The following ARID1B variants were observed in gnomAD, a reference collection of about 807,000 sequenced individuals.
ARID1B encodes the protein AT-rich interactive domain-containing protein 1B.
A neutral mutation model predicts 212.3 loss-of-function variants in ARID1B; 30 were observed. The ratio of observed to expected loss-of-function variants is 0.14; its 90% CI spans 0.11 to 0.19. The LOEUF (loss-of-function observed/expected upper bound fraction) is 0.19, where lower values mean the gene tolerates loss of function less well. Ranked by LOEUF, ARID1B falls within the 10% of genes least tolerant of loss-of-function variation. ARID1B has a pLI of 1.00. For synonymous variants in ARID1B, 1,402 were observed against 1,301.7 expected (o/e 1.08, Z -1.66); for missense variants, 2,891 against 3,204.0 (o/e 0.90, Z 2.36).
intron 2 of ARID1B, among the ~76,000 whole-genome samples, chr6:156,882,058 T>C (rs367787338): frequency 4.6e-5 from 7 of 152,358 alleles, no homozygotes; most frequent in African/African-American, 1.4e-4. Flanking sequence ...TGGGAATTAA[T>C]AAAATTCTGC....
chr6:157,134,759 A>AGT (rs1367260356), intron 7 of ARID1B, among the ~76,000 whole-genome samples: 1 of 152,236 alleles, frequency 6.6e-6, no homozygotes. Context: ...AAGAGAGCTT[A>AGT]GTGGCAGTTG....
chr6:157,082,403 T>G (rs1040424302), intron 4 of ARID1B, among the ~76,000 whole-genome samples: 1 of 152,214 alleles, frequency 6.6e-6, no homozygotes, highest in Non-Finnish European at 1.5e-5. Flanking sequence ...GTAATCAAGT[T>G]AAATATAAAG....
intron 8 of ARID1B, among the ~76,000 whole-genome samples, chr6:157,159,106 C>T (rs1348952167): frequency 6.6e-6 from 1 of 152,246 alleles, no homozygotes; most frequent in East Asian, 1.9e-4. Flanking sequence ...CTAATCCACA[C>T]TGTGCGCTTG....
chr6:157,171,247 G>A (rs1458948706), intron 9 of ARID1B, among the ~76,000 whole-genome samples: 3 of 152,252 alleles, frequency 2.0e-5, no homozygotes, highest in Non-Finnish European at 4.4e-5. Context: ...CCAGAGGCTG[G>A]TGCTTGAAAA....
chr6:156,927,666 T>C (rs1328081045), intron 3 of ARID1B, among the ~76,000 whole-genome samples: 1 of 152,190 alleles, frequency 6.6e-6, no homozygotes, highest in East Asian at 1.9e-4. Context: ...CCAGGCAGAG[T>C]AGCTGCTAAC....
intron 4 of ARID1B, among the ~76,000 whole-genome samples, chr6:156,962,642 C>T (rs533172557): frequency 4.6e-5 from 7 of 152,214 alleles, no homozygotes; most frequent in South Asian, 4.2e-4. Context: ...ACCACCACCC[C>T]CGGCTAATTT....
At chr6:157,065,030 C>G (rs1022707216) in intron 4 of ARID1B, among the ~76,000 whole-genome samples, 4 of 152,122 alleles carry the variant, frequency 2.6e-5, no homozygotes, top group Non-Finnish European at 5.9e-5. Context: ...TTATTATTTG[C>G]AAATAGTTAT....
At chr6:156,907,924 A>AG (rs1789542727) in intron 3 of ARID1B, among the ~76,000 whole-genome samples, 1 of 151,032 alleles carries the variant, frequency 6.6e-6, no homozygotes, top group Admixed American at 6.6e-5. Context: ...AAAAAAAAAA[A>AG]GAATTGAAGA....
At chr6:156,827,604 C>T (rs973299799) in intron 1 of ARID1B, among the ~76,000 whole-genome samples, 18 of 152,204 alleles carry the variant, frequency 1.2e-4, no homozygotes, top group African/African-American at 4.3e-4. Flanking sequence ...TCGTGCTTCA[C>T]GTGGATCCAG....
In ARID1B at chr6:157,100,194, T is replaced by C. The variant is rs573523212; in HGVS notation, c.2492-10278T>C. On this transcript the variant is annotated intron_variant, in intron 5 of 19. Transcript: ENST00000636930. ...ATACTGCTCTAATCTGAGATAGGAT[T>C]TATTCACAATAAAGAATTGTGTTGA... Among the ~76,000 whole-genome samples, 99 of 152,302 alleles carry C rather than the reference T, an allele frequency of 6.5e-4. 1 individual carries two copies. Among genetic ancestry groups the C allele is most frequent in the African/African-American group, 2.2e-3 (92 of 41,564 alleles).
Position 156,868,284 on chromosome 6 carries a change from T to C in ARID1B, c.1987-33092T>C, listed in dbSNP as rs542068125. On this transcript the variant is annotated intron_variant, in intron 2 of 19. Transcript: ENST00000636930. ...GTGTTTCCTTGGTTGTCATCACTGA[T>C]ATATGTGGGTGCTTCTATTGTATTG... Among the ~76,000 whole-genome samples the C allele has an allele frequency of 3.2e-4, 49 of 152,354 alleles. 1 individual carries two copies. The South Asian group carries it at 9.7e-3, about 30-fold the overall frequency.
intron 4 of ARID1B, among the ~76,000 whole-genome samples, chr6:156,995,382 C>T (rs1051956449): frequency 3.9e-5 from 6 of 152,186 alleles, no homozygotes; most frequent in African/African-American, 1.4e-4. Flanking sequence ...GACTTAGGAA[C>T]CTGCTGATTA....
intron 4 of ARID1B, among the ~76,000 whole-genome samples, chr6:156,948,177 A>G (rs1178544564): frequency 6.6e-6 from 1 of 152,210 alleles, no homozygotes; most frequent in Non-Finnish European, 1.5e-5. Flanking sequence ...ATGTGGTCAA[A>G]TTTCCCCAAA....
chr6:156,789,244 T>C (rs540942886), intron 1 of ARID1B, among the ~76,000 whole-genome samples: 1 of 152,324 alleles, frequency 6.6e-6, no homozygotes, highest in South Asian at 2.1e-4. Context: ...GGATTTTGTA[T>C]TGGGTGTCAT....
Position 156,779,487 on chromosome 6 carries a change from G to T in ARID1B, c.1791+16G>T, listed in dbSNP as rs764750241. Reference sequence around the variant, plus strand: ...CAGATCCCAGGTAACCCTCGCGCCAGCCGGGCCTGCTTCCGCCCGGCGGCC... The same window carrying T: ...CAGATCCCAGGTAACCCTCGCGCCATCCGGGCCTGCTTCCGCCCGGCGGCC... On this transcript the variant is annotated intron_variant, in intron 1 of 19. Coordinates refer to ENST00000636930, the MANE Select transcript of ARID1B (RefSeq NM_001374828.1). 1.5e-6 allele frequency: 2 copies of T among 1,349,260 alleles called. No homozygotes were observed. Among genetic ancestry groups the T allele is most frequent in the South Asian group, 1.7e-5 (1 of 59,940 alleles). The allele number at this position is 1,349,260 out of a possible 1,614,324, so 83.6% of individuals were successfully genotyped here.
intron 4 of ARID1B, among the ~76,000 whole-genome samples, chr6:157,046,473 C>G (rs1782252633): frequency 6.6e-6 from 1 of 152,122 alleles, no homozygotes; most frequent in African/African-American, 2.4e-5. Context: ...TACTGTAAGT[C>G]CCATTGTGAG....
At chr6:157,030,865 C>T (rs1780976686) in intron 4 of ARID1B, among the ~76,000 whole-genome samples, 4 of 152,086 alleles carry the variant, frequency 2.6e-5, no homozygotes, top group Admixed American at 6.5e-5. Flanking sequence ...AGTTCATTTC[C>T]AATACATTCA....
intron 15 of ARID1B, 87 bp from the exon 16 acceptor site, chr6:157,196,078 A>G: frequency 6.6e-7 from 1 of 1,526,502 alleles, no homozygotes; most frequent in East Asian, 2.3e-5. Context: ...AAAAAGTCCA[A>G]AGACAATAGA....
intron 4 of ARID1B, among the ~76,000 whole-genome samples, chr6:156,954,833 G>T (rs1419202703): frequency 6.6e-6 from 1 of 152,112 alleles, no homozygotes; most frequent in African/African-American, 2.4e-5. Flanking sequence ...CCCACTGTGT[G>T]GTCTCAAGTT....
Sources: gnomAD v4.1 joint callset for allele counts (sites outside exome capture counted in the v4.1 genomes callset) on GRCh38, gnomAD v4.1.1 for gene constraint, MANE v1.5 for transcripts, NCBI Gene and HGNC (gene_info 2026-07-23, HGNC 2026-07-21) for gene names.